The following GBF1 variants were observed in gnomAD, a reference collection of about 807,000 sequenced individuals.
GBF1 encodes golgi brefeldin A resistant guanine nucleotide exchange factor 1.
A neutral mutation model predicts 210.5 loss-of-function variants in GBF1; 114 were observed. The observed-to-expected ratio is 0.54, with a 90% CI of 0.47 to 0.63. The LOEUF (loss-of-function observed/expected upper bound fraction) is 0.63. Ranked by LOEUF, GBF1 falls within the 30% of genes least tolerant of loss-of-function variation. The pLI is 0.00. For missense variants in GBF1, 1,851 were observed against 2,357.7 expected, an observed-to-expected ratio of 0.79 and a Z score of 4.45; for synonymous variants, 850 against 889.2, an observed-to-expected ratio of 0.96 and a Z score of 0.78.
intron 4 of GBF1, among the ~76,000 whole-genome samples, chr10:102,346,144 G>A (rs1589720497): frequency 6.6e-6 from 1 of 151,680 alleles, no homozygotes; most frequent in Admixed American, 6.6e-5. Flanking sequence ...CACCACGCCC[G>A]GCTAATTTTT....
At chr10:102,375,662 C>T (rs1589825421) in intron 30 of GBF1, 78 bp downstream of exon 30, 2 of 903,788 alleles carry the variant, frequency 2.2e-6, no homozygotes, top group South Asian at 2.9e-5. Context: ...AAACAAAACA[C>T]AGGTTACTGT....
chr10:102,243,017 C>T (rs752533620), upstream of GBF1, among the ~76,000 whole-genome samples: 17 of 152,050 alleles, frequency 1.1e-4, no homozygotes, highest in Non-Finnish European at 2.5e-4. Flanking sequence ...TGTTCAGTGA[C>T]TCCCATTGCC....
intron 3 of GBF1, among the ~76,000 whole-genome samples, chr10:102,308,619 G>T (rs971550856): frequency 6.6e-6 from 1 of 150,488 alleles, no homozygotes. Context: ...GTAAACTATC[G>T]CAAGGACAAA....
chr10:102,370,269 T>G, intron 27 of GBF1, 24 bp downstream of exon 27: 2 of 1,544,250 alleles, frequency 1.3e-6, no homozygotes, highest in East Asian at 2.2e-5. Flanking sequence ...AAAGGAAACA[T>G]GGAACAACTG....
chr10:102,363,457 G>C lies in GBF1; in HGVS notation c.2017+61G>C. On this transcript the variant is annotated intron_variant, in intron 16 of 39. Coordinates refer to ENST00000369983, the MANE Select transcript of GBF1 (RefSeq NM_001377137.1). This position sits in a 1 kb window ranked among gnomAD's most constrained non-coding sequence, Gnocchi z 4.2. The stretch of plus-strand genomic sequence containing the variant: ...CCTGGAGGGCCTGGTGAAGAGCAGA[G>C]GGAGGGAGCAGACACCTAGGATAGT... 6 of 1,496,472 alleles carry C rather than the reference G, an allele frequency of 4.0e-6. No homozygotes were observed. Among genetic ancestry groups the C allele is most frequent in the Non-Finnish European group, 5.5e-6 (6 of 1,088,992 alleles). 92.7% of individuals were successfully genotyped at this position (1,496,472 alleles called of 1,614,324 possible).
Position 102,368,288 on chromosome 10 carries a change from C to T in GBF1, c.2713C>T (p.Leu905Phe), listed in dbSNP as rs149719790. The T allele has an allele frequency of 2.5e-6, 4 of 1,613,966 alleles. No homozygotes were observed. In the African/African-American group the frequency reaches 5.3e-5, roughly 22 times the overall value. The stretch of plus-strand genomic sequence containing the variant: ...GGAGAACTATGTGTGGAATGTGCTG[C>T]TTCATCGAGGTGCCACCCCTGAGGG... ...VRENYVWNVLLHRGATPEGIF... is the reference protein window; with the variant it reads ...VRENYVWNVLFHRGATPEGIF... Residue 905 changes from leucine (L) to phenylalanine (F), a missense_variant, in exon 22 of 40, where the codon CTT (leucine) becomes TTT (phenylalanine). Coordinates refer to ENST00000369983, the MANE Select transcript of GBF1 (RefSeq NM_001377137.1).
At chr10:102,349,649 C>T (rs1376540438) in intron 4 of GBF1, among the ~76,000 whole-genome samples, 1 of 152,212 alleles carries the variant, frequency 6.6e-6, no homozygotes, top group South Asian at 2.1e-4. Flanking sequence ...TTCTCTGTCA[C>T]TCACAAAGCT....
At chr10:102,246,103 A>G (rs1489817663) in intron 1 of GBF1, among the ~76,000 whole-genome samples, 1 of 152,192 alleles carries the variant, frequency 6.6e-6, no homozygotes, top group African/African-American at 2.4e-5. Context: ...AGAGCCCAGT[A>G]CTCAAAAGCT....
the GBF1 span, among the ~76,000 whole-genome samples, chr10:102,238,800 C>G: frequency 1.3e-5 from 2 of 152,192 alleles, no homozygotes; most frequent in Non-Finnish European, 2.9e-5. Flanking sequence ...TTCAAACCAT[C>G]TAGTTCTGCT....
At chr10:102,379,200 T>A (rs1032871563) in intron 33 of GBF1, 84 bp from the exon 34 acceptor site, 54 of 1,326,912 alleles carry the variant, frequency 4.1e-5, no homozygotes, top group Admixed American at 7.7e-5. Flanking sequence ...CTTGAGGACT[T>A]AGTTAGGGAC....
At chr10:102,261,255 GTGTT>G (rs1375734533) in intron 3 of GBF1, among the ~76,000 whole-genome samples, 1 of 149,860 alleles carries the variant, frequency 6.7e-6, no homozygotes, top group Non-Finnish European at 1.5e-5. Flanking sequence ...GTGTGTGTGT[GTGTT>G]TATTTTATGT....
intron 3 of GBF1, among the ~76,000 whole-genome samples, chr10:102,282,013 G>A (rs2075540815): frequency 6.7e-6 from 1 of 148,406 alleles, no homozygotes; most frequent in African/African-American, 2.5e-5. Context: ...TGCAAGCTCC[G>A]CCTCCCAGGT....
intron 3 of GBF1, among the ~76,000 whole-genome samples, chr10:102,299,192 A>G (rs555532816): frequency 3.9e-5 from 6 of 152,242 alleles, no homozygotes; most frequent in Admixed American, 3.3e-4. Context: ...AACTATTGAT[A>G]CATGCAATAA....
chr10:102,375,665 G>T, intron 30 of GBF1, 81 bp downstream of exon 30: 1 of 875,036 alleles, frequency 1.1e-6, no homozygotes, highest in Admixed American at 2.0e-5. Flanking sequence ...CAAAACACAG[G>T]TTACTGTGTT....
intron 36 of GBF1, 55 bp downstream of exon 36, chr10:102,380,009 G>A: frequency 8.0e-7 from 1 of 1,254,146 alleles, no homozygotes; most frequent in Non-Finnish European, 1.2e-6. Flanking sequence ...TTTTCCCGAG[G>A]AGGGAAGCCA....
intron 27 of GBF1, 61 bp downstream of exon 27, chr10:102,370,306 C>A: frequency 6.8e-7 from 1 of 1,460,712 alleles, no homozygotes; most frequent in Non-Finnish European, 9.6e-7. Flanking sequence ...GTGACAGGGA[C>A]AGTATTATTT....
intron 3 of GBF1, among the ~76,000 whole-genome samples, chr10:102,331,834 G>GCCA (rs2134329988): frequency 7.0e-6 from 1 of 143,588 alleles, no homozygotes; most frequent in East Asian, 2.0e-4. Context: ...ACAGGCGCAC[G>GCCA]CCACCATACC....
rs557076005 is a variant in GBF1 at position 102,307,924 on chromosome 10, C to T, written c.164-36127C>T. On this transcript the variant is annotated intron_variant, in intron 3 of 39. Coordinates refer to ENST00000369983, the MANE Select transcript of GBF1 (RefSeq NM_001377137.1). ...AGAAAAGGTGCTCAACTTCATTAGTCATTAGGGAACTTCAAAACCACCATA... is the reference window on the plus strand; with the variant it reads ...AGAAAAGGTGCTCAACTTCATTAGTTATTAGGGAACTTCAAAACCACCATA... Among the ~76,000 whole-genome samples the T allele has an allele frequency of 2.6e-5, 4 of 152,200 alleles. No individual in the cohort carries two copies. In the South Asian group the frequency reaches 8.3e-4, roughly 32 times the overall value.
intron 4 of GBF1, among the ~76,000 whole-genome samples, chr10:102,346,394 G>A (rs2058574924): frequency 6.6e-6 from 1 of 152,162 alleles, no homozygotes; most frequent in South Asian, 2.1e-4. Context: ...TCCCCAAAAG[G>A]TTACATCATT....
Sources: allele counts gnomAD v4.1 joint callset (sites outside exome capture counted in the v4.1 genomes callset), GRCh38; gene constraint gnomAD v4.1.1; non-coding constraint Gnocchi (gnomAD v3.1); transcripts MANE v1.5; gene names NCBI Gene and HGNC (gene_info 2026-07-23, HGNC 2026-07-21).